NFATC3: variants seen among roughly 807,000 people sequenced by gnomAD.
NFATC3 encodes nuclear factor of activated T-cells, cytoplasmic 3.
NFATC3 carries 46 observed loss-of-function variants against 98.6 expected under a neutral mutation model. The observed-to-expected ratio is 0.47, with a 90% confidence interval of 0.37 to 0.60. The LOEUF (loss-of-function observed/expected upper bound fraction) is 0.60. Among genes scored for constraint, NFATC3 ranks in the 20% least tolerant of loss-of-function variants. The pLI is 0.00. For missense variants in NFATC3, 1,256 were observed against 1,295.5 expected (o/e 0.97, Z 0.47); for synonymous variants, 512 against 472.2 (o/e 1.08, Z -1.09).
chr16:68,211,350 G>C (rs55923715), intron 9 of NFATC3, among the ~76,000 whole-genome samples: 1,983 of 150,536 alleles, frequency 0.013, 41 homozygotes, highest in African/African-American at 0.046. Flanking sequence ...ACTATGCCCA[G>C]CTAATTTTTG....
intron 5 of NFATC3, among the ~76,000 whole-genome samples, chr16:68,171,372 C>T (rs909251026): frequency 3.9e-5 from 6 of 152,066 alleles, no homozygotes; most frequent in Non-Finnish European, 8.8e-5. Flanking sequence ...GGACCCTTCT[C>T]TATGTCCTAT....
At chr16:68,203,027 A>G (rs779174511) in intron 9 of NFATC3, among the ~76,000 whole-genome samples, 17 of 152,066 alleles carry the variant, frequency 1.1e-4, no homozygotes, top group Non-Finnish European at 1.9e-4. Flanking sequence ...TACAGCCTCA[A>G]ACGTGTTTAG....
intron 8 of NFATC3, among the ~76,000 whole-genome samples, chr16:68,188,703 G>T (rs891898555): frequency 2.0e-5 from 3 of 152,160 alleles, no homozygotes; most frequent in Admixed American, 6.5e-5. Context: ...TTCTTTTAGG[G>T]TTTTTAAATT....
At chr16:68,115,485 C>T (rs1452935921) in intron 1 of NFATC3, among the ~76,000 whole-genome samples, 2 of 150,526 alleles carry the variant, frequency 1.3e-5, no homozygotes, top group Admixed American at 1.3e-4. Flanking sequence ...GCAGTAGTAG[C>T]GCAATCTCGG....
At position 68,174,433 on chromosome 16, in the gene NFATC3, G is replaced by A. The variant is rs182338341; in HGVS notation, c.1834G>A (p.Val612Ile). The change falls in exon 6 of 10, where the codon GTA becomes ATA. Residue 612 changes from valine to isoleucine, a missense_variant. This residue lies in a region of NFATC3 where 636 missense variants were observed against 617.3 expected (regional missense o/e 1.03). Transcript: ENST00000346183. ...GAAGTACAGTATCAACAGTTGTTCT[G>A]TAAATGGAGGTCATGAAATGGTTGT... ...IEKYSINSCS[V>I]NGGHEMVVTG... The A allele has an allele frequency of 1.3e-5, 21 of 1,606,560 alleles. No individual in the cohort carries two copies. The highest frequency in any genetic ancestry group is 1.7e-5 in the Non-Finnish European group (20 of 1,176,410).
chr16:68,183,988 G>T (rs1024993731), intron 8 of NFATC3, among the ~76,000 whole-genome samples: 5 of 130,670 alleles, frequency 3.8e-5, no homozygotes, highest in Admixed American at 8.9e-5. Context: ...CCTGGGAAAC[G>T]AGCGAAACTC....
intron 3 of NFATC3, among the ~76,000 whole-genome samples, chr16:68,154,945 T>C (rs2038531251): frequency 6.6e-6 from 1 of 152,180 alleles, no homozygotes; most frequent in Non-Finnish European, 1.5e-5. Flanking sequence ...ATTCTGACTC[T>C]TGGATAGAGA....
intron 4 of NFATC3, among the ~76,000 whole-genome samples, chr16:68,162,890 C>T (rs149115604): frequency 5.9e-5 from 9 of 152,002 alleles, no homozygotes; most frequent in Middle Eastern, 3.4e-3. Flanking sequence ...AGGACCCTGC[C>T]GCCTTCCGCA....
At chr16:68,123,880 G>C (rs1231560206) in intron 2 of NFATC3, among the ~76,000 whole-genome samples, 1 of 151,906 alleles carries the variant, frequency 6.6e-6, no homozygotes, top group Non-Finnish European at 1.5e-5. Flanking sequence ...AGGTACTAGG[G>C]AGGCTGAGGC....
At chr16:68,098,964 G>T (rs562738418) in intron 1 of NFATC3, among the ~76,000 whole-genome samples, 2 of 152,242 alleles carry the variant, frequency 1.3e-5, no homozygotes, top group South Asian at 2.1e-4. Context: ...TTCTCCCAAC[G>T]ATAACATCTT....
chr16:68,114,931 G>A (rs767481102), intron 1 of NFATC3, among the ~76,000 whole-genome samples: 1 of 152,124 alleles, frequency 6.6e-6, no homozygotes, highest in Non-Finnish European at 1.5e-5. Flanking sequence ...TATTAATGTT[G>A]CTACCAATGT....
intron 5 of NFATC3, among the ~76,000 whole-genome samples, chr16:68,172,009 G>A (rs565593767): frequency 2.6e-5 from 4 of 151,826 alleles, no homozygotes; most frequent in South Asian, 4.2e-4. Flanking sequence ...CTACAGGTAC[G>A]TTCTAAGTAA....
intron 1 of NFATC3, among the ~76,000 whole-genome samples, chr16:68,119,389 A>G (rs980228997): frequency 5.9e-5 from 9 of 152,090 alleles, no homozygotes; most frequent in African/African-American, 2.2e-4. Flanking sequence ...CAGTTCATAT[A>G]TATCAAATGA....
chr16:68,217,902 C>T (rs2041698978), intron 9 of NFATC3: 2 of 1,226,152 alleles, frequency 1.6e-6, no homozygotes, highest in Admixed American at 8.5e-5. Flanking sequence ...AGGAAATATA[C>T]TCTGTAGCTG....
chr16:68,219,244 A>T (rs909453997), intron 9 of NFATC3, among the ~76,000 whole-genome samples: 56 of 152,206 alleles, frequency 3.7e-4, no homozygotes, highest in African/African-American at 1.2e-3. Flanking sequence ...TTAGCTGGGC[A>T]TGGTGGCAGG....
chr16:68,202,586 T>C (rs2040971657), intron 9 of NFATC3, among the ~76,000 whole-genome samples: 1 of 151,978 alleles, frequency 6.6e-6, no homozygotes, highest in Non-Finnish European at 1.5e-5. Flanking sequence ...CCGAGGCAGG[T>C]AGATCGCCTG....
intron 3 of NFATC3, among the ~76,000 whole-genome samples, chr16:68,152,560 G>T (rs1489232799): frequency 6.6e-6 from 1 of 152,098 alleles, no homozygotes; most frequent in Non-Finnish European, 1.5e-5. Context: ...ACCCAGGCTG[G>T]AGTGTAGTCG....
At chr16:68,144,815 G>A (rs1305177634) in intron 3 of NFATC3, among the ~76,000 whole-genome samples, 2 of 151,998 alleles carry the variant, frequency 1.3e-5, no homozygotes, top group Admixed American at 1.3e-4. Flanking sequence ...CTGCCACCAC[G>A]CCCAGCTGAT....
At chr16:68,159,492 C>T (rs1018749387) in intron 4 of NFATC3, among the ~76,000 whole-genome samples, 2 of 149,284 alleles carry the variant, frequency 1.3e-5, no homozygotes, top group South Asian at 4.2e-4. Flanking sequence ...GGTGCAATCT[C>T]GGCTCACGCA....
Sources: allele counts gnomAD v4.1 joint callset (sites outside exome capture counted in the v4.1 genomes callset), GRCh38; gene constraint gnomAD v4.1.1; regional missense constraint gnomAD v4.1.1; transcripts MANE v1.5; gene names NCBI Gene and HGNC (gene_info 2026-07-23, HGNC 2026-07-21).